TP53RK: variants seen among roughly 807,000 people sequenced by gnomAD.
TP53RK encodes the protein TP53 regulating kinase.
A neutral mutation model predicts 14.9 loss-of-function variants in TP53RK; 17 were observed. The observed-to-expected ratio is 1.14, with a 90% CI of 0.78 to 1.71. TP53RK has a LOEUF of 1.71. TP53RK is among the 40% of genes most tolerant of loss of function. The pLI, the probability that TP53RK is intolerant of heterozygous loss-of-function variation, is 0.00. For synonymous variants in TP53RK, 131 were observed against 138.0 expected (o/e 0.95, Z 0.36); for missense variants, 343 against 332.0 (o/e 1.03, Z -0.26).
Position 46,686,821 on chromosome 20 carries a change from C to T in TP53RK, c.694G>A (p.Ala232Thr), listed in dbSNP as rs774016278. 2 of 1,614,152 alleles carry T rather than the reference C, an allele frequency of 1.2e-6. No homozygotes were observed. The highest frequency in any genetic ancestry group is 1.7e-6 in the Non-Finnish European group (2 of 1,180,030). Reference sequence around the variant, plus strand: ...TCTAATTTTTTTAGCACTGGCCTGGCCTTTTTGGAGGAGGTGGAGTAGCTC... The same window carrying T: ...TCTAATTTTTTTAGCACTGGCCTGGTCTTTTTGGAGGAGGTGGAGTAGCTC... ...LKSYSTSSKK[A>T]RPVLKKLDEV... The change falls in exon 2 of 2, where the codon GCC becomes ACC. Residue 232 changes from alanine (A) to threonine (T), a missense_variant. By Grantham distance (58) the Ala-to-Thr change is moderately conservative (BLOSUM62 0). Transcript: ENST00000372114.
rs756956780 is a variant in TP53RK, at chr20:46,685,325, T to C, written c.*1428A>G. ...GAAGCTGGCAATAACAAAAGAAAAATTGGAACATTTACAAATGTGTGGAAA... is the reference window on the plus strand; with the variant it reads ...GAAGCTGGCAATAACAAAAGAAAAACTGGAACATTTACAAATGTGTGGAAA... On this transcript the variant is annotated 3_prime_UTR_variant, in exon 2 of 2. Coordinates refer to ENST00000372114, the MANE Select transcript of TP53RK (RefSeq NM_033550.4). The C allele has an allele frequency of 1.3e-5, 2 of 152,104 alleles. No individual in the cohort carries two copies. The highest frequency in any genetic ancestry group is 2.9e-5 in the Non-Finnish European group (2 of 68,018). The allele number at this position is 152,104 out of a possible 1,614,324, so 9.4% of individuals were successfully genotyped here.
rs1448058665 is a variant in TP53RK, at chr20:46,686,630, G to A, written c.*123C>T. 1.2e-5 allele frequency: 10 copies of A among 831,056 alleles called. No individual in the cohort carries two copies. Among genetic ancestry groups the A allele is most frequent in the Admixed American group, 6.8e-5 (3 of 43,836 alleles). The allele number at this position is 831,056 out of a possible 1,614,324, so 51.5% of individuals were successfully genotyped here. On this transcript the variant is annotated 3_prime_UTR_variant, in exon 2 of 2. Transcript: ENST00000372114. ...AGTGAAGTGCAGATGATAATGACAC[G>A]ATCACATACCACTTAAAAATATCTT...
intron 1 of TP53RK, among the ~76,000 whole-genome samples, chr20:46,688,116 A>G (rs571326237): frequency 6.6e-6 from 1 of 152,354 alleles, no homozygotes; most frequent in Admixed American, 6.5e-5. Context: ...GGATACAGCA[A>G]TAAACAAGCC....
chr20:46,686,489 T>G lies in TP53RK; in HGVS notation c.*264A>C. The G allele has an allele frequency of 2.2e-6, 1 of 462,208 alleles. No individual in the cohort carries two copies. 28.6% of individuals were successfully genotyped at this position (462,208 alleles called of 1,614,324 possible). On this transcript the variant is annotated 3_prime_UTR_variant, in exon 2 of 2. Coordinates refer to ENST00000372114, the MANE Select transcript of TP53RK (RefSeq NM_033550.4). ...ATAATGTTCTCATTATGTGGTTCAA[T>G]GCCACACCCATGTATCTGAGATATA...
At chr20:46,687,328 T>C in intron 1 of TP53RK, 97 bp from the exon 2 acceptor site, 1 of 1,042,926 alleles carries the variant, frequency 9.6e-7, no homozygotes, top group South Asian at 1.6e-5. Flanking sequence ...TATATCTACT[T>C]ATTTCAGGAC....
Position 46,686,509 on chromosome 20 carries a change from G to C in TP53RK, c.*244C>G. 1.9e-6 allele frequency: 1 copy of C among 518,970 alleles called. No homozygotes were observed. The highest frequency in any genetic ancestry group is 3.5e-6 in the Non-Finnish European group (1 of 289,650). 32.1% of individuals were successfully genotyped at this position (518,970 alleles called of 1,614,324 possible). A position where few individuals can be genotyped will look rare whatever the true frequency, so the allele number is the denominator to read the frequency against. The stretch of plus-strand genomic sequence containing the variant: ...TTCAATGCCACACCCATGTATCTGA[G>C]ATATACATGTCACAATCTGGGAGAA... On this transcript the variant is annotated 3_prime_UTR_variant, in exon 2 of 2. Transcript: ENST00000372114.
At chr20:46,688,985 G>C in intron 1 of TP53RK, 147 bp downstream of exon 1, 1 of 930,248 alleles carries the variant, frequency 1.1e-6, no homozygotes, top group Non-Finnish European at 1.5e-6. Context: ...AGGGATGAAA[G>C]AATAACATTT....
rs1192846036 is a variant in TP53RK, at chr20:46,689,167, T to C, written c.248A>G (p.Gln83Arg). The change falls in exon 1 of 2, where the codon CAG becomes CGG. Residue 83 changes from glutamine to arginine, a missense_variant. Coordinates refer to ENST00000372114, the MANE Select transcript of TP53RK (RefSeq NM_033550.4). Reference protein sequence around the residue: ...EARLGRRRTVQEARALLRCRR... With the variant: ...EARLGRRRTVREARALLRCRR... ...ACAGCGGAGGAGCGCCCGGGCCTCC[T>C]GCACCGTCCGCCGTCTGCCAAGCCG... 2.7e-6 allele frequency: 4 copies of C among 1,508,898 alleles called. No individual in the cohort carries two copies. The highest frequency in any genetic ancestry group is 3.5e-6 in the Non-Finnish European group (4 of 1,135,924). The allele number at this position is 1,508,898 out of a possible 1,614,324, so 93.5% of individuals were successfully genotyped here. A position where few individuals can be genotyped will look rare whatever the true frequency, so the allele number is the denominator to read the frequency against.
Position 46,686,157 on chromosome 20 carries a change from A to G in TP53RK, c.*596T>C, listed in dbSNP as rs1293956222. The G allele has an allele frequency of 1.3e-5, 2 of 152,240 alleles. No individual in the cohort carries two copies. The highest frequency in any genetic ancestry group is 2.9e-5 in the Non-Finnish European group (2 of 68,046). 9.4% of individuals were successfully genotyped at this position (152,240 alleles called of 1,614,324 possible). ...TCTGCTTTTTTAAAAGAGAAATTGG[A>G]GTTAAGCAGACTTTTCATTTTTTGA... On this transcript the variant is annotated 3_prime_UTR_variant, in exon 2 of 2. Transcript: ENST00000372114.
intron 1 of TP53RK, among the ~76,000 whole-genome samples, chr20:46,688,069 G>A (rs902597614): frequency 6.6e-6 from 1 of 152,196 alleles, no homozygotes; most frequent in East Asian, 1.9e-4. Context: ...ACCAGGCTCA[G>A]TATACTTTTC....
rs761941095 is a variant in TP53RK, at chr20:46,687,001, G to C, written c.514C>G (p.Pro172Ala). 1 of 1,614,202 alleles carries C rather than the reference G, an allele frequency of 6.2e-7. No homozygotes were observed. The highest frequency in any genetic ancestry group is 8.5e-7 in the Non-Finnish European group (1 of 1,180,046). Residue 172 changes from proline to alanine, a missense_variant, in exon 2 of 2, where the codon CCC (proline) becomes GCC (alanine). By Grantham distance (27) the Pro-to-Ala change is conservative. Transcript: ENST00000372114. ...ACAATGTTCAGCTGTTCCAGGGGGG[G>C]TTTCAGGAGCATGTTGGAGGTGGTG... ...DLTTSNMLLK[P>A]PLEQLNIVLI...
At chr20:46,688,605 G>A (rs2063191617) in intron 1 of TP53RK, among the ~76,000 whole-genome samples, 1 of 152,196 alleles carries the variant, frequency 6.6e-6, no homozygotes, top group African/African-American at 2.4e-5. Flanking sequence ...TCCTCTAATG[G>A]TCACAACATC....
rs2063182683 is a variant in TP53RK, at chr20:46,686,898, G to A, written c.617C>T (p.Ala206Val). The change falls in exon 2 of 2, where the codon GCC (alanine) becomes GTC (valine). Residue 206 changes from alanine (A) to valine (V), a missense_variant. Transcript: ENST00000372114. The stretch of plus-strand genomic sequence containing the variant: ...AGTGTTGGGATGGGTACTGAGGAAG[G>A]CCTTCTCCAGGACATAGAGGTCTAC... ...KGVDLYVLEK[A>V]FLSTHPNTET... 1.2e-6 allele frequency: 2 copies of A among 1,614,102 alleles called. No homozygotes were observed. The highest frequency in any genetic ancestry group is 1.7e-6 in the Non-Finnish European group (2 of 1,180,032).
chr20:46,687,950 G>C (rs1334883570), intron 1 of TP53RK, among the ~76,000 whole-genome samples: 3 of 152,158 alleles, frequency 2.0e-5, no homozygotes, highest in African/African-American at 7.2e-5. Context: ...TTTCTTATTA[G>C]TTGTCTAATC....
rs1302585317 is a variant in TP53RK, at chr20:46,689,258, G to A, written c.157C>T (p.Gln53Ter). 27 of 1,535,694 alleles carry A rather than the reference G, an allele frequency of 1.8e-5. No individual in the cohort carries two copies. The Admixed American group carries it at 4.7e-4, about 27-fold the overall frequency. ...TGCTTGATCACCGCCGCGCGGCCCT[G>A]GAAGCGGCCACGGAACACGCGCGCC... The part of the protein sequence containing the change: ...AEARVFRGRF[Q>*]GRAAVIKHRF... Residue 53 changes from glutamine (Q) to a stop codon, truncating the protein, a stop_gained, in exon 1 of 2, where the codon CAG becomes TAG. Coordinates refer to ENST00000372114, the MANE Select transcript of TP53RK (RefSeq NM_033550.4). LOFTEE classifies it high-confidence loss of function.
At chr20:46,688,596 C>T (rs1456655055) in intron 1 of TP53RK, among the ~76,000 whole-genome samples, 1 of 152,242 alleles carries the variant, frequency 6.6e-6, no homozygotes, top group Non-Finnish European at 1.5e-5. Flanking sequence ...ACACATACCT[C>T]CTCTAATGGT....
chr20:46,687,186 C>T lies in TP53RK; in HGVS notation c.329G>A (p.Cys110Tyr), dbSNP rs745434503. The change falls in exon 2 of 2, where the codon TGC (cysteine) becomes TAC (tyrosine). Residue 110 changes from cysteine to tyrosine, a missense_variant. By Grantham distance (194) the Cys-to-Tyr change is radical (BLOSUM62 -2). Coordinates refer to ENST00000372114, the MANE Select transcript of TP53RK (RefSeq NM_033550.4). Reference sequence around the variant, plus strand: ...GCCTTCAATTTCTTCCATATATAAGCAGTTGGAAGCATAGTCCACAAAAAA... The same window carrying T: ...GCCTTCAATTTCTTCCATATATAAGTAGTTGGAAGCATAGTCCACAAAAAA... ...VVFFVDYASNCLYMEEIEGSV... is the reference protein window; with the variant it reads ...VVFFVDYASNYLYMEEIEGSV... 1.9e-6 allele frequency: 3 copies of T among 1,609,100 alleles called. No homozygotes were observed. The highest frequency in any genetic ancestry group is 2.2e-5 in the East Asian group (1 of 44,760).
At position 46,686,726 on chromosome 20, in the gene TP53RK, C is replaced by CT. The variant is rs1313915151; in HGVS notation, c.*26dup. 5 of 1,548,614 alleles carry CT rather than the reference C, an allele frequency of 3.2e-6. No homozygotes were observed. In the Admixed American group the frequency reaches 8.7e-5, roughly 27 times the overall value. The stretch of plus-strand genomic sequence containing the variant: ...AATTTACTTTGAAAAAAGAGCTTCA[C>CT]TGTGTGTGGTTGTCATACACATTCT... On this transcript the variant is annotated 3_prime_UTR_variant, in exon 2 of 2. Transcript: ENST00000372114.
rs1325461169 is a variant in TP53RK at position 46,686,472 on chromosome 20, C to A, written c.*281G>T. 5 of 371,516 alleles carry A rather than the reference C, an allele frequency of 1.3e-5. No homozygotes were observed. Among genetic ancestry groups the A allele is most frequent in the Admixed American group, 4.2e-5 (1 of 23,926 alleles). 23.0% of individuals were successfully genotyped at this position (371,516 alleles called of 1,614,324 possible). ...CAAGGACTAAAAAGAGAATAATGTT[C>A]TCATTATGTGGTTCAATGCCACACC... On this transcript the variant is annotated 3_prime_UTR_variant, in exon 2 of 2. Transcript: ENST00000372114.
Sources: gnomAD v4.1 joint callset for allele counts (sites outside exome capture counted in the v4.1 genomes callset) on GRCh38, gnomAD v4.1.1 for gene constraint, MANE v1.5 for transcripts, NCBI Gene and HGNC (gene_info 2026-07-23, HGNC 2026-07-21) for gene names.